The following MYO5B variants were observed in gnomAD, a reference collection of about 807,000 sequenced individuals.
MYO5B encodes myosin VB.
MYO5B carries 143 observed loss-of-function variants against 229.3 expected under a neutral mutation model. The observed-to-expected ratio is 0.62, with a 90% CI of 0.54 to 0.72. The LOEUF (loss-of-function observed/expected upper bound fraction) is 0.72, where lower values mean the gene tolerates loss of function less well. Among genes scored for constraint, MYO5B ranks in the 30% least tolerant of loss-of-function variants. MYO5B has a pLI of 0.00. For missense variants in MYO5B, 2,321 were observed against 2,331.0 expected, an observed-to-expected ratio of 1.00 and a Z score of 0.09; for synonymous variants, 918 against 885.2, an observed-to-expected ratio of 1.04 and a Z score of -0.66.
At chr18:50,010,444 A>G (rs2026149688) in intron 4 of MYO5B, among the ~76,000 whole-genome samples, 1 of 152,112 alleles carries the variant, frequency 6.6e-6, no homozygotes, top group Non-Finnish European at 1.5e-5. Context: ...TGGTTAGGGC[A>G]CTCCTCGGTG....
chr18:50,004,245 C>T (rs1301842488), intron 4 of MYO5B, among the ~76,000 whole-genome samples: 2 of 152,126 alleles, frequency 1.3e-5, no homozygotes, highest in Non-Finnish European at 2.9e-5. Context: ...AAGAAGGAAT[C>T]AAGGCAACGG....
In MYO5B at chr18:50,194,874, T is replaced by A; in HGVS notation, c.-81A>T. ...TCCGCGGCTGGCCCGCCTGGCGCCA[T>A]GTTCCCGGGCTGGCCTGGAGTTTCT... On this transcript the variant is annotated 5_prime_UTR_variant, in exon 1 of 40. The change abolishes an upstream ATG in the 5' untranslated region. Coordinates refer to ENST00000285039, the MANE Select transcript of MYO5B (RefSeq NM_001080467.3). 8.1e-7 allele frequency: 1 copy of A among 1,238,654 alleles called. No individual in the cohort carries two copies. The highest frequency in any genetic ancestry group is 1.0e-6 in the Non-Finnish European group (1 of 993,258). The allele number at this position is 1,238,654 out of a possible 1,614,324, so 76.7% of individuals were successfully genotyped here.
intron 1 of MYO5B, among the ~76,000 whole-genome samples, chr18:50,180,617 G>A (rs2033059991): frequency 6.6e-6 from 1 of 152,068 alleles, no homozygotes; most frequent in Non-Finnish European, 1.5e-5. Flanking sequence ...CATTCACATT[G>A]TTGTACAACC....
At chr18:49,888,353 A>G (rs1306718166) in intron 22 of MYO5B, among the ~76,000 whole-genome samples, 1 of 152,126 alleles carries the variant, frequency 6.6e-6, no homozygotes, top group Admixed American at 6.5e-5. Flanking sequence ...GAGAATCACT[A>G]CAATAAGGTG....
chr18:50,072,822 A>T (rs1449257909), intron 1 of MYO5B, among the ~76,000 whole-genome samples: 1 of 151,782 alleles, frequency 6.6e-6, no homozygotes, highest in African/African-American at 2.4e-5. Context: ...CTCCCACTGG[A>T]GGAAGGAAGA....
At chr18:50,106,267 C>T (rs1158479828) in intron 1 of MYO5B, among the ~76,000 whole-genome samples, 1 of 152,194 alleles carries the variant, frequency 6.6e-6, no homozygotes, top group Admixed American at 6.5e-5. Flanking sequence ...TAGGGTAAAA[C>T]CCTGACCTTT....
At chr18:50,174,507 CCT>C (rs755011105) in intron 1 of MYO5B, among the ~76,000 whole-genome samples, 6 of 152,162 alleles carry the variant, frequency 3.9e-5, no homozygotes, top group Non-Finnish European at 7.3e-5. Context: ...GTCTCCATTC[CCT>C]CTTTGTCCTC....
At chr18:50,069,400 A>G (rs1424027642) in intron 1 of MYO5B, among the ~76,000 whole-genome samples, 1 of 152,098 alleles carries the variant, frequency 6.6e-6, no homozygotes, top group Non-Finnish European at 1.5e-5. Context: ...AAGCACCACA[A>G]CATTGGCAAA....
At chr18:50,042,810 G>A (rs1362057182) in intron 2 of MYO5B, among the ~76,000 whole-genome samples, 4 of 152,258 alleles carry the variant, frequency 2.6e-5, no homozygotes, top group African/African-American at 9.6e-5. Flanking sequence ...GCAGCACAGG[G>A]ACCGCCAGGT....
intron 29 of MYO5B, among the ~76,000 whole-genome samples, chr18:49,860,067 G>A (rs567910444): frequency 2.0e-5 from 3 of 152,160 alleles, no homozygotes; most frequent in Non-Finnish European, 2.9e-5. Flanking sequence ...CTGTCTTGCC[G>A]GGGACCTGCT....
chr18:50,032,405 T>A (rs2026399833), intron 4 of MYO5B, among the ~76,000 whole-genome samples: 1 of 152,240 alleles, frequency 6.6e-6, no homozygotes, highest in African/African-American at 2.4e-5. Flanking sequence ...GCTGTAAATC[T>A]ACTTTCTGTC....
intron 22 of MYO5B, among the ~76,000 whole-genome samples, chr18:49,888,549 T>G (rs147514453): frequency 3.3e-4 from 51 of 152,248 alleles, no homozygotes; most frequent in Non-Finnish European, 5.9e-4. Flanking sequence ...AGTTCTACGT[T>G]GCCAAAACGT....
chr18:49,974,307 C>T (rs1425029078), intron 10 of MYO5B, 43 bp downstream of exon 10: 4 of 1,613,800 alleles, frequency 2.5e-6, no homozygotes, highest in Non-Finnish European at 3.4e-6. Context: ...AGCAGGAAGC[C>T]ACTCCCAGGT....
intron 1 of MYO5B, among the ~76,000 whole-genome samples, chr18:50,159,921 C>A (rs929886344): frequency 2.6e-5 from 4 of 152,226 alleles, no homozygotes; most frequent in Non-Finnish European, 1.5e-5. Context: ...CCAACCCTCA[C>A]CCTCCCTTGC....
chr18:50,075,237 G>T (rs1472085633), intron 1 of MYO5B, among the ~76,000 whole-genome samples: 1 of 152,090 alleles, frequency 6.6e-6, no homozygotes, highest in Non-Finnish European at 1.5e-5. Flanking sequence ...GGAGAGAGGG[G>T]TCTCTTGGGA....
At chr18:50,091,703 C>G (rs1445626322) in intron 1 of MYO5B, among the ~76,000 whole-genome samples, 1 of 152,202 alleles carries the variant, frequency 6.6e-6, no homozygotes, top group Admixed American at 6.5e-5. Context: ...AGCCACCTGA[C>G]ACCACCACAC....
At chr18:50,177,765 T>C (rs912941795) in intron 1 of MYO5B, among the ~76,000 whole-genome samples, 2 of 152,196 alleles carry the variant, frequency 1.3e-5, no homozygotes, top group Admixed American at 6.5e-5. Flanking sequence ...TAAACTGATC[T>C]GAGGCAGGGA....
intron 4 of MYO5B, among the ~76,000 whole-genome samples, chr18:50,011,649 G>A (rs2026161977): frequency 1.3e-5 from 2 of 151,920 alleles, no homozygotes; most frequent in Admixed American, 1.3e-4. Context: ...TTGAGGCCAA[G>A]CTGGCTGTAT....
intron 8 of MYO5B, among the ~76,000 whole-genome samples, chr18:49,982,492 T>C (rs1202624813): frequency 6.6e-6 from 1 of 152,172 alleles, no homozygotes; most frequent in Non-Finnish European, 1.5e-5. Context: ...CGCACTACAT[T>C]GATGAGAACA....
Sources: gnomAD v4.1 joint callset for allele counts (sites outside exome capture counted in the v4.1 genomes callset) on GRCh38, gnomAD v4.1.1 for gene constraint, MANE v1.5 for transcripts, NCBI Gene and HGNC (gene_info 2026-07-23, HGNC 2026-07-21) for gene names.